Variants in SCHIP1 observed in about 807,000 individuals in gnomAD.
The protein encoded by SCHIP1 is schwannomin interacting protein 1.
SCHIP1 carries 8 observed loss-of-function variants against 29.7 expected under a neutral mutation model. That is an observed-to-expected ratio of 0.27 (90% CI 0.16 to 0.49). The LOEUF (loss-of-function observed/expected upper bound fraction) is 0.49, where lower values mean the gene tolerates loss of function less well. SCHIP1 is among the 20% of genes least tolerant of loss of function. The pLI, the probability that SCHIP1 is intolerant of heterozygous loss-of-function variation, is 0.99. For missense variants in SCHIP1, 193 were observed against 294.6 expected (o/e 0.66, Z 2.52); for synonymous variants, 76 against 94.9 (o/e 0.80, Z 1.16).
the SCHIP1 span, among the ~76,000 whole-genome samples, chr3:159,423,323 C>T: frequency 2.6e-4 from 39 of 152,300 alleles, no homozygotes; most frequent in South Asian, 8.3e-4. Context: ...GGGTGACAGA[C>T]GGCACCTGGA....
chr3:159,876,769 T>G (rs1324978638), intron 2 of SCHIP1, among the ~76,000 whole-genome samples: 2 of 152,232 alleles, frequency 1.3e-5, no homozygotes, highest in Non-Finnish European at 2.9e-5. Context: ...GTGAAACATG[T>G]TGGCAAATGT....
At chr3:159,359,125 A>G in the SCHIP1 span, among the ~76,000 whole-genome samples, 6 of 151,700 alleles carry the variant, frequency 4.0e-5, no homozygotes, top group Admixed American at 6.6e-5. Flanking sequence ...ACAGGGTTTC[A>G]CCATGTTGGC....
the SCHIP1 span, among the ~76,000 whole-genome samples, chr3:159,567,540 C>T: frequency 2.1e-4 from 32 of 152,140 alleles, 1 homozygote; most frequent in Middle Eastern, 3.4e-3. Flanking sequence ...GTCTCAGTAC[C>T]TCCTTCCTCT....
chr3:159,303,924 C>T, the SCHIP1 span, among the ~76,000 whole-genome samples: 2 of 151,916 alleles, frequency 1.3e-5, no homozygotes, highest in Admixed American at 6.6e-5. Flanking sequence ...AGGTTAGTTA[C>T]GTATGTATAC....
At chr3:159,351,295 G>A in the SCHIP1 span, among the ~76,000 whole-genome samples, 1 of 152,286 alleles carries the variant, frequency 6.6e-6, no homozygotes, top group East Asian at 1.9e-4. Flanking sequence ...TTTTGCAGAT[G>A]AGGAAGTCGG....
the SCHIP1 span, among the ~76,000 whole-genome samples, chr3:159,714,640 C>T: frequency 0.044 from 6,740 of 152,308 alleles, 514 homozygotes; most frequent in African/African-American, 0.16. Context: ...CGGAGCCTTG[C>T]TCACTGCTAG....
At chr3:159,582,995 T>C in the SCHIP1 span, among the ~76,000 whole-genome samples, 1 of 152,150 alleles carries the variant, frequency 6.6e-6, no homozygotes, top group Admixed American at 6.6e-5. Flanking sequence ...CTTAATACAG[T>C]ATTTTGTTGA....
chr3:159,765,826 A>C, the SCHIP1 span: 1 of 152,142 alleles, frequency 6.6e-6, no homozygotes, highest in African/African-American at 2.4e-5. Context: ...TCTGCTGTGA[A>C]TCCCTCCTTG....
the SCHIP1 span, among the ~76,000 whole-genome samples, chr3:159,284,703 G>C: frequency 6.6e-6 from 1 of 151,940 alleles, no homozygotes; most frequent in Non-Finnish European, 1.5e-5. Context: ...CATCATGTTG[G>C]CCAGGCTAGT....
chr3:159,591,472 T>C, the SCHIP1 span, among the ~76,000 whole-genome samples: 2 of 152,206 alleles, frequency 1.3e-5, no homozygotes, highest in Non-Finnish European at 2.9e-5. Context: ...TGCACACATA[T>C]GCTTATTGCA....
At chr3:159,516,530 A>G in the SCHIP1 span, among the ~76,000 whole-genome samples, 1 of 152,096 alleles carries the variant, frequency 6.6e-6, no homozygotes, top group South Asian at 2.1e-4. Flanking sequence ...CTGCCCTCTA[A>G]AAACATTTTT....
At chr3:159,583,407 G>A in the SCHIP1 span, among the ~76,000 whole-genome samples, 1 of 152,076 alleles carries the variant, frequency 6.6e-6, no homozygotes, top group Non-Finnish European at 1.5e-5. Context: ...TGATTATACT[G>A]TTACAAAAGA....
chr3:159,633,477 T>C, the SCHIP1 span, among the ~76,000 whole-genome samples: 2 of 151,952 alleles, frequency 1.3e-5, no homozygotes, highest in Non-Finnish European at 2.9e-5. Context: ...TTGCAGAACA[T>C]TGGGAGTAAA....
At chr3:159,525,409 A>G in the SCHIP1 span, among the ~76,000 whole-genome samples, 1 of 152,236 alleles carries the variant, frequency 6.6e-6, no homozygotes, top group Non-Finnish European at 1.5e-5. Context: ...GAATGAGTGA[A>G]TTCTCCCAAA....
At chr3:159,560,889 T>G in the SCHIP1 span, among the ~76,000 whole-genome samples, 2 of 152,324 alleles carry the variant, frequency 1.3e-5, no homozygotes, top group East Asian at 3.9e-4. Context: ...TCTGCGATGG[T>G]GTGTGAATCT....
the SCHIP1 span, among the ~76,000 whole-genome samples, chr3:159,806,101 G>A: frequency 1.2e-3 from 190 of 152,132 alleles, 1 homozygote; most frequent in Admixed American, 2.4e-3. Context: ...GAGCCACCGC[G>A]CCTGGCCAAT....
At chr3:159,709,268 G>A in the SCHIP1 span, among the ~76,000 whole-genome samples, 2 of 152,170 alleles carry the variant, frequency 1.3e-5, no homozygotes, top group Non-Finnish European at 2.9e-5. Flanking sequence ...GGATTCTTGT[G>A]AGGATGAAAA....
the SCHIP1 span, among the ~76,000 whole-genome samples, chr3:159,544,287 A>T: frequency 5.5e-4 from 84 of 152,214 alleles, no homozygotes; most frequent in African/African-American, 1.9e-3. Flanking sequence ...TCATTGAATG[A>T]GTATTCTACA....
chr3:159,616,768 C>G, the SCHIP1 span, among the ~76,000 whole-genome samples: 1 of 152,066 alleles, frequency 6.6e-6, no homozygotes, highest in Non-Finnish European at 1.5e-5. Context: ...TTGGTTGAGG[C>G]TCTCCCTTAC....
Sources: allele counts gnomAD v4.1 joint callset (sites outside exome capture counted in the v4.1 genomes callset), GRCh38; gene constraint gnomAD v4.1.1; transcripts MANE v1.5; gene names NCBI Gene and HGNC (gene_info 2026-07-23, HGNC 2026-07-21).